BAG4: variants seen among roughly 807,000 people sequenced by gnomAD.
BAG4 encodes the protein BAG cochaperone 4, also known as BAG family molecular chaperone regulator 4.
In BAG4, 28 loss-of-function variants were observed where a neutral mutation model predicts 52.1. The observed-to-expected ratio is 0.54, with a 90% CI of 0.40 to 0.74. The LOEUF (loss-of-function observed/expected upper bound fraction) is 0.74. Among genes scored for constraint, BAG4 ranks in the 30% least tolerant of loss-of-function variants. The pLI is 0.00. For missense variants in BAG4, 525 were observed against 572.0 expected, an observed-to-expected ratio of 0.92 and a Z score of 0.84; for synonymous variants, 208 against 217.0, an observed-to-expected ratio of 0.96 and a Z score of 0.37.
chr8:38,194,258 A>G (rs1000196726), intron 2 of BAG4, among the ~76,000 whole-genome samples: 3 of 151,714 alleles, frequency 2.0e-5, no homozygotes, highest in Admixed American at 6.6e-5. Flanking sequence ...TTTATTTTAC[A>G]TGTTTTTAAA....
rs764321796 is a variant in BAG4, at chr8:38,207,699, C to G, written c.566C>G (p.Pro189Arg). 5 of 1,614,090 alleles carry G rather than the reference C, an allele frequency of 3.1e-6. No homozygotes were observed. In the Middle Eastern group the frequency reaches 6.6e-4, roughly 213 times the overall value. The change falls in exon 3 of 5, where the codon CCC becomes CGC. Residue 189 changes from proline to arginine, a missense_variant. Physicochemically the swap from Pro to Arg is moderately radical, Grantham distance 103. Coordinates refer to ENST00000287322, the MANE Select transcript of BAG4 (RefSeq NM_004874.4). ...SPTPVSRWIY[P>R]QQDCQTEAPP... ...ACTCCAGTCTCTCGTTGGATCTATC[C>G]CCAGCAGGACTGTCAGACTGAAGCA...
rs1054446688 is a variant in BAG4 at position 38,211,011 on chromosome 8, T to G, written c.*518T>G. The G allele has an allele frequency of 2.6e-5, 4 of 153,230 alleles. No individual in the cohort carries two copies. Among genetic ancestry groups the G allele is most frequent in the African/African-American group, 4.8e-5 (2 of 41,456 alleles). The allele number at this position is 153,230 out of a possible 1,614,324, so 9.5% of individuals were successfully genotyped here. ...TTATTTGCAGTTTACAAATATAGTA[T>G]TATTCTCTACTTCTTGGTACATTTT... On this transcript the variant is annotated 3_prime_UTR_variant, in exon 5 of 5. Coordinates refer to ENST00000287322, the MANE Select transcript of BAG4 (RefSeq NM_004874.4).
At chr8:38,177,262 A>C (rs1339370054) in intron 1 of BAG4, 123 bp downstream of exon 1, 3 of 1,335,410 alleles carry the variant, frequency 2.2e-6, no homozygotes, top group Non-Finnish European at 3.0e-6. Context: ...GGGGTGTTGG[A>C]GAGACCGAGA....
chr8:38,206,622 C>T (rs1283858058), intron 2 of BAG4, among the ~76,000 whole-genome samples: 1 of 152,048 alleles, frequency 6.6e-6, no homozygotes, highest in Non-Finnish European at 1.5e-5. Context: ...CTATGCTAAA[C>T]CTTTTATATA....
rs1311079690 is a variant in BAG4, at chr8:38,177,039, C to G, written c.170C>G (p.Pro57Arg). The G allele has an allele frequency of 6.8e-6, 11 of 1,605,906 alleles. No individual in the cohort carries two copies. Among genetic ancestry groups the G allele is most frequent in the Non-Finnish European group, 9.3e-6 (11 of 1,176,692 alleles). The change falls in exon 1 of 5, where the codon CCG becomes CGG. Residue 57 changes from proline (P) to arginine (R), a missense_variant. This residue lies in a region of BAG4 where 287 missense variants were observed against 266.1 expected (regional missense o/e 1.08). Transcript: ENST00000287322. ...PISWRVRGGG[P>R]AETTWLGEGG... ...TCCTGGCGGGTGCGCGGGGGCGGCC[C>G]GGCGGAGACCACCTGGCTGGGAGAA...
At chr8:38,188,100 A>G (rs961488586) in intron 1 of BAG4, among the ~76,000 whole-genome samples, 1 of 151,674 alleles carries the variant, frequency 6.6e-6, no homozygotes, top group Non-Finnish European at 1.5e-5. Flanking sequence ...AGTAACTGCT[A>G]AAGAAAAAAA....
At chr8:38,206,211 G>T (rs1448664264) in intron 2 of BAG4, among the ~76,000 whole-genome samples, 3 of 150,866 alleles carry the variant, frequency 2.0e-5, no homozygotes, top group Non-Finnish European at 3.0e-5. Context: ...GGGGGTGGAG[G>T]TTGCAGTGAG....
In BAG4 at chr8:38,210,857, A is replaced by G. The variant is rs1303361366; in HGVS notation, c.*364A>G. ...ATGAAACTGGATATAATCTGAGACA[A>G]ACAGGATGTGTTTTTTTAAACATCT... On this transcript the variant is annotated 3_prime_UTR_variant, in exon 5 of 5. Transcript: ENST00000287322. The G allele has an allele frequency of 6.0e-6, 1 of 167,114 alleles. No individual in the cohort carries two copies. The highest frequency in any genetic ancestry group is 6.0e-5 in the Admixed American group (1 of 16,658). 10.4% of individuals were successfully genotyped at this position (167,114 alleles called of 1,614,324 possible).
In BAG4 at chr8:38,195,684, T is replaced by C. The variant is rs559802872; in HGVS notation, c.378+2889T>C. Among the ~76,000 whole-genome samples the C allele has an allele frequency of 3.3e-5, 5 of 152,328 alleles. No individual in the cohort carries two copies. In the South Asian group the frequency reaches 8.3e-4, roughly 25 times the overall value. On this transcript the variant is annotated intron_variant, in intron 2 of 4. Coordinates refer to ENST00000287322, the MANE Select transcript of BAG4 (RefSeq NM_004874.4). Reference sequence around the variant, plus strand: ...TCATGTTAGTACTTACCACAAACTTTCATTTTACTTGTGTCAGCCTCATCC... The same window carrying C: ...TCATGTTAGTACTTACCACAAACTTCCATTTTACTTGTGTCAGCCTCATCC...
At chr8:38,191,760 C>CAAAAAA (rs35851034) in intron 1 of BAG4, among the ~76,000 whole-genome samples, 1 of 72,614 alleles carries the variant, frequency 1.4e-5, no homozygotes, top group Non-Finnish European at 2.6e-5. Context: ...AACTCTGTCT[C>CAAAAAA]AAAAAAAAAA....
At chr8:38,178,647 A>G (rs11783967) in intron 1 of BAG4, among the ~76,000 whole-genome samples, 36,772 of 152,194 alleles carry the variant, frequency 0.24, 4,615 homozygotes, top group East Asian at 0.31. Flanking sequence ...CTGCTGATGC[A>G]TGCTACAATA....
At chr8:38,177,546 G>A (rs1258413353) in intron 1 of BAG4, among the ~76,000 whole-genome samples, 1 of 152,184 alleles carries the variant, frequency 6.6e-6, no homozygotes, top group Non-Finnish European at 1.5e-5. Flanking sequence ...GCCGCTCAGG[G>A]ACCCTCCCGA....
At chr8:38,190,563 C>A (rs1391913615) in intron 1 of BAG4, among the ~76,000 whole-genome samples, 1 of 150,884 alleles carries the variant, frequency 6.6e-6, no homozygotes, top group Non-Finnish European at 1.5e-5. Context: ...TCCTGAGTAG[C>A]TGGGACTATA....
At chr8:38,199,526 C>CTTT (rs148882011) in intron 2 of BAG4, among the ~76,000 whole-genome samples, 2 of 141,520 alleles carry the variant, frequency 1.4e-5, no homozygotes, top group Admixed American at 7.1e-5. Flanking sequence ...CCTGTGATTT[C>CTTT]TTTTTTTTTT....
At chr8:38,191,786 T>C (rs1320487733) in intron 1 of BAG4, among the ~76,000 whole-genome samples, 2 of 140,912 alleles carry the variant, frequency 1.4e-5, no homozygotes, top group Non-Finnish European at 3.1e-5. Flanking sequence ...AAAAAAACCC[T>C]AAATCTATAC....
intron 2 of BAG4, among the ~76,000 whole-genome samples, chr8:38,200,702 C>A (rs866207991): frequency 6.6e-6 from 1 of 152,080 alleles, no homozygotes; most frequent in Non-Finnish European, 1.5e-5. Context: ...GAGTTCAAGC[C>A]ATTCTCCTGT....
In BAG4 at chr8:38,209,140, G is replaced by A. The variant is rs759330494; in HGVS notation, c.761G>A (p.Arg254His). 8.1e-6 allele frequency: 13 copies of A among 1,614,108 alleles called. No homozygotes were observed. The highest frequency in any genetic ancestry group is 4.5e-5 in the East Asian group (2 of 44,886). ...ASPGAYGMGG[R>H]YPWPSSAPSA... ...CCTGGTGCTTATGGAATGGGTGGCC[G>A]TTATCCCTGGCCTTCATCAGCGCCC... The change falls in exon 4 of 5, where the codon CGT becomes CAT. Residue 254 changes from arginine (R) to histidine (H), a missense_variant. Physicochemically the swap from Arg to His is conservative, Grantham distance 29. Coordinates refer to ENST00000287322, the MANE Select transcript of BAG4 (RefSeq NM_004874.4).
intron 2 of BAG4, chr8:38,201,884 T>A (rs1396549739): frequency 8.1e-4 from 42 of 51,894 alleles, no homozygotes; most frequent in African/African-American, 1.3e-3. Context: ...ATATATATTT[T>A]TTTTTTTTTT....
At chr8:38,207,437 G>A (rs759192444) in intron 2 of BAG4, 75 bp from the exon 3 acceptor site, 21 of 1,493,306 alleles carry the variant, frequency 1.4e-5, no homozygotes, top group Admixed American at 7.7e-5. Context: ...AAGTTTTCAA[G>A]TTTAGGCATT....
Sources: allele counts gnomAD v4.1 joint callset (sites outside exome capture counted in the v4.1 genomes callset), GRCh38; gene constraint gnomAD v4.1.1; regional missense constraint gnomAD v4.1.1; transcripts MANE v1.5; gene names NCBI Gene and HGNC (gene_info 2026-07-23, HGNC 2026-07-21).